The following C2orf76 variants were observed in gnomAD, a reference collection of about 807,000 sequenced individuals.
C2orf76 encodes UPF0538 protein C2orf76.
In C2orf76, 23 loss-of-function variants were observed where a neutral mutation model predicts 16.9. The ratio of observed to expected loss-of-function variants is 1.36; its 90% CI spans 0.98 to 1.93. C2orf76 has a LOEUF of 1.93. Among genes scored for constraint, C2orf76 ranks in the 30% most tolerant of loss-of-function variants. C2orf76 has a pLI of 0.00. For missense variants in C2orf76, 152 were observed against 152.6 expected (o/e 1.00, Z 0.02); for synonymous variants, 48 against 52.3 (o/e 0.92, Z 0.35).
chr2:119,281,614 T>C, the C2orf76 span, among the ~76,000 whole-genome samples: 1 of 152,198 alleles, frequency 6.6e-6, no homozygotes, highest in Admixed American at 6.5e-5. Flanking sequence ...GAGTAAGTGC[T>C]ATATAAGCGT....
chr2:119,286,295 C>T, the C2orf76 span, among the ~76,000 whole-genome samples: 1 of 150,138 alleles, frequency 6.7e-6, no homozygotes, highest in Non-Finnish European at 1.5e-5. Flanking sequence ...GGCCAGCACA[C>T]AGCAGGATGA....
chr2:119,285,808 T>G, the C2orf76 span, among the ~76,000 whole-genome samples: 1 of 152,206 alleles, frequency 6.6e-6, no homozygotes, highest in Non-Finnish European at 1.5e-5. Context: ...ATCCATTCAT[T>G]CATGCAGAAA....
intron 4 of C2orf76, among the ~76,000 whole-genome samples, chr2:119,312,172 C>G (rs770867467): frequency 6.6e-6 from 1 of 152,232 alleles, no homozygotes; most frequent in Admixed American, 6.5e-5. Context: ...CTTCTGCCAT[C>G]CTCACCTGGT....
At chr2:119,322,547 G>A (rs556983402) in intron 2 of C2orf76, among the ~76,000 whole-genome samples, 36 of 152,246 alleles carry the variant, frequency 2.4e-4, no homozygotes, top group African/African-American at 8.4e-4. Context: ...ACACGAGTGT[G>A]TGTAAAATGA....
At chr2:119,337,626 T>C (rs188896530) in intron 2 of C2orf76, among the ~76,000 whole-genome samples, 9 of 152,266 alleles carry the variant, frequency 5.9e-5, no homozygotes, top group African/African-American at 4.8e-5. Flanking sequence ...CAGAGTTCCA[T>C]AGTACCTCAA....
At chr2:119,342,617 AC>A (rs1211506034) in intron 1 of C2orf76, among the ~76,000 whole-genome samples, 1 of 152,030 alleles carries the variant, frequency 6.6e-6, no homozygotes, top group African/African-American at 2.4e-5. Flanking sequence ...GTCTCAAAAA[AC>A]AAAAAAGAAA....
At chr2:119,297,249 T>G (rs1047994446), downstream of C2orf76, among the ~76,000 whole-genome samples, 2 of 152,122 alleles carry the variant, frequency 1.3e-5, no homozygotes, top group Non-Finnish European at 2.9e-5. Flanking sequence ...ACTGTGTGGA[T>G]TAAATGAGAT....
intron 4 of C2orf76, 30 bp from the exon 5 acceptor site, chr2:119,311,733 A>G (rs1407681699): frequency 6.3e-7 from 1 of 1,582,478 alleles, no homozygotes; most frequent in Non-Finnish European, 8.6e-7. Context: ...TCTGCATTTT[A>G]TCAGTACTTA....
At chr2:119,316,366 A>G (rs943367173) in intron 4 of C2orf76, among the ~76,000 whole-genome samples, 2 of 152,244 alleles carry the variant, frequency 1.3e-5, no homozygotes, top group Non-Finnish European at 2.9e-5. Flanking sequence ...GGTATAAAAA[A>G]TAAAGTTACT....
chr2:119,344,986 T>C (rs542619829), intron 1 of C2orf76, among the ~76,000 whole-genome samples: 146 of 152,302 alleles, frequency 9.6e-4, no homozygotes, highest in African/African-American at 3.4e-3. Context: ...TAACAATGGA[T>C]TCTTATCTCA....
the C2orf76 span, among the ~76,000 whole-genome samples, chr2:119,282,643 G>T: frequency 6.6e-6 from 1 of 152,192 alleles, no homozygotes; most frequent in African/African-American, 2.4e-5. Context: ...GACGGACAGG[G>T]TGAGCACCCC....
At chr2:119,354,161 G>A (rs1680492396) in intron 1 of C2orf76, among the ~76,000 whole-genome samples, 1 of 152,092 alleles carries the variant, frequency 6.6e-6, no homozygotes, top group African/African-American at 2.4e-5. Flanking sequence ...TAAAGAATCT[G>A]CTTTAAATTT....
At chr2:119,322,992 C>CA (rs970731478) in intron 2 of C2orf76, among the ~76,000 whole-genome samples, 44 of 152,064 alleles carry the variant, frequency 2.9e-4, no homozygotes, top group African/African-American at 8.0e-4. Flanking sequence ...GTAAAACAAA[C>CA]AAAAAATATC....
chr2:119,338,852 C>T (rs1324440594), intron 2 of C2orf76: 2 of 152,028 alleles, frequency 1.3e-5, no homozygotes, highest in African/African-American at 2.4e-5. Flanking sequence ...GGTTGCTTGA[C>T]CTAAGGTCAG....
At chr2:119,365,475 A>G (rs1007460145) in intron 1 of C2orf76, among the ~76,000 whole-genome samples, 4 of 152,190 alleles carry the variant, frequency 2.6e-5, no homozygotes, top group African/African-American at 9.7e-5. Flanking sequence ...TCCCTATTGC[A>G]TCTTCATTTC....
intron 1 of C2orf76, among the ~76,000 whole-genome samples, chr2:119,360,444 T>G (rs6714270): frequency 0.16 from 20,954 of 131,066 alleles, 1,648 homozygotes; most frequent in Middle Eastern, 0.3. Context: ...ACCATTGCAC[T>G]CCAGCCTGGG....
chr2:119,312,714 A>G (rs1448773856), intron 4 of C2orf76, among the ~76,000 whole-genome samples: 1 of 152,188 alleles, frequency 6.6e-6, no homozygotes, highest in African/African-American at 2.4e-5. Flanking sequence ...AGTGAGACTC[A>G]TAAATACAAG....
At chr2:119,287,807 T>C in the C2orf76 span, among the ~76,000 whole-genome samples, 15 of 152,232 alleles carry the variant, frequency 9.9e-5, 1 homozygote, top group Admixed American at 7.8e-4. Context: ...TAAAATAAAA[T>C]GGCATTGTTC....
At chr2:119,306,724 CTCT>C (rs1433843436) in intron 5 of C2orf76, among the ~76,000 whole-genome samples, 1 of 152,062 alleles carries the variant, frequency 6.6e-6, no homozygotes, top group Non-Finnish European at 1.5e-5. Context: ...AGGTAAAAGT[CTCT>C]TCTTGCTTCT....
Sources: gnomAD v4.1 joint callset for allele counts (sites outside exome capture counted in the v4.1 genomes callset) on GRCh38, gnomAD v4.1.1 for gene constraint, MANE v1.5 for transcripts, NCBI Gene and HGNC (gene_info 2026-07-23, HGNC 2026-07-21) for gene names.